ZC3HC1: variants seen among roughly 807,000 people sequenced by gnomAD.
ZC3HC1 encodes zinc finger C3HC-type protein 1.
In ZC3HC1, 38 loss-of-function variants were observed where a neutral mutation model predicts 61.9. The observed-to-expected ratio is 0.61, with a 90% CI of 0.47 to 0.81. The LOEUF (loss-of-function observed/expected upper bound fraction) is 0.81, where lower values mean the gene tolerates loss of function less well. Among genes scored for constraint, ZC3HC1 ranks in the 30% least tolerant of loss-of-function variants. The probability of loss-of-function intolerance (pLI) is 0.00; values close to 1 mark genes in which losing one functional copy is unlikely to be tolerated. For synonymous variants in ZC3HC1, 213 were observed against 229.9 expected, an observed-to-expected ratio of 0.93 and a Z score of 0.67; for missense variants, 554 against 622.7, an observed-to-expected ratio of 0.89 and a Z score of 1.17.
At chr7:130,046,401 G>C (rs1794867511) in intron 2 of ZC3HC1, among the ~76,000 whole-genome samples, 2 of 152,068 alleles carry the variant, frequency 1.3e-5, no homozygotes, top group African/African-American at 4.8e-5. Context: ...GAGCTCAAAA[G>C]TTTGAGACCA....
rs965514796 is a variant in ZC3HC1 at position 130,032,181 on chromosome 7, G to A, written c.494-3152C>T. On this transcript the variant is annotated intron_variant, in intron 4 of 9. Coordinates refer to ENST00000358303, the MANE Select transcript of ZC3HC1 (RefSeq NM_016478.5). Reference sequence around the variant, plus strand: ...GGAGGTTGCAGTGAGCCGAGACCACGCCATTGCACTCCAGCCTGGGCAACA... The same window carrying A: ...GGAGGTTGCAGTGAGCCGAGACCACACCATTGCACTCCAGCCTGGGCAACA... Among the ~76,000 whole-genome samples the A allele has an allele frequency of 3.3e-5, 5 of 150,288 alleles. No individual in the cohort carries two copies. In the South Asian group the frequency reaches 8.4e-4, roughly 25 times the overall value.
chr7:130,028,163 C>CAAAAAAA (rs58430072), intron 5 of ZC3HC1, among the ~76,000 whole-genome samples: 4 of 34,122 alleles, frequency 1.2e-4, no homozygotes, highest in African/African-American at 2.6e-4. Flanking sequence ...GACTCTGTCT[C>CAAAAAAA]AAAAAAAAAA....
At chr7:130,019,725 A>G (rs1793545579) in intron 9 of ZC3HC1, among the ~76,000 whole-genome samples, 1 of 151,936 alleles carries the variant, frequency 6.6e-6, no homozygotes, top group African/African-American at 2.4e-5. Flanking sequence ...TATTCCACGC[A>G]GAAAGGGTCT....
At chr7:130,049,920 C>G (rs1795011136) in intron 1 of ZC3HC1, among the ~76,000 whole-genome samples, 1 of 91,606 alleles carries the variant, frequency 1.1e-5, no homozygotes, top group Admixed American at 1.4e-4. Flanking sequence ...CATACCCACT[C>G]CTTCCAAAAA....
chr7:130,032,827 G>A lies in ZC3HC1; in HGVS notation c.494-3798C>T, dbSNP rs149014966. The stretch of plus-strand genomic sequence containing the variant: ...AGGGAAGGAAAAGAAAGAAGGGAAG[G>A]AAGGGAAAGATGGGAAGGAGGGGAA... On this transcript the variant is annotated intron_variant, in intron 4 of 9. Coordinates refer to ENST00000358303, the MANE Select transcript of ZC3HC1 (RefSeq NM_016478.5). Among the ~76,000 whole-genome samples the A allele has an allele frequency of 5.0e-3, 669 of 133,202 alleles. 3 individuals are homozygous for A. Among genetic ancestry groups the A allele is most frequent in the Non-Finnish European group, 8.4e-3 (526 of 62,626 alleles). The allele number at this position is 133,202 out of a possible 152,430, so 87.4% of individuals were successfully genotyped here. A position where few individuals can be genotyped will look rare whatever the true frequency, so the allele number is the denominator to read the frequency against.
chr7:130,023,498 G>C lies in ZC3HC1; in HGVS notation c.1233+13C>G. ...TTTATGCTCAGCCACTGCTACATGCGAGGTGGACTCACCGAACTGCTGGAG... is the reference window on the plus strand; with the variant it reads ...TTTATGCTCAGCCACTGCTACATGCCAGGTGGACTCACCGAACTGCTGGAG... On this transcript the variant is annotated intron_variant, in intron 8 of 9. Transcript: ENST00000358303. This position sits in a 1 kb window ranked among gnomAD's most constrained non-coding sequence, Gnocchi z 4.2. 1.2e-6 allele frequency: 2 copies of C among 1,613,482 alleles called. No individual in the cohort carries two copies. The highest frequency in any genetic ancestry group is 2.2e-5 in the South Asian group (2 of 91,036).
intron 4 of ZC3HC1, 93 bp from the exon 5 acceptor site, chr7:130,029,122 G>A (rs1041098092): frequency 1.4e-6 from 2 of 1,405,038 alleles, no homozygotes; most frequent in South Asian, 1.4e-5. Flanking sequence ...TGTAATCCCA[G>A]CACTTTGGAA....
chr7:130,026,369 A>G, intron 5 of ZC3HC1, 57 bp from the exon 6 acceptor site: 1 of 1,559,894 alleles, frequency 6.4e-7, no homozygotes, highest in Non-Finnish European at 8.7e-7. Flanking sequence ...GAAAAATTAC[A>G]CATTATAACA....
At chr7:130,050,620 A>AG in intron 1 of ZC3HC1, 13 of 792,692 alleles carry the variant, frequency 1.6e-5, no homozygotes, top group Non-Finnish European at 2.1e-5. Flanking sequence ...TAGTATTAGC[A>AG]GTACCTGCTA....
At chr7:130,047,049 G>A (rs888963460) in intron 2 of ZC3HC1, among the ~76,000 whole-genome samples, 3 of 151,976 alleles carry the variant, frequency 2.0e-5, no homozygotes, top group Non-Finnish European at 2.9e-5. Context: ...TGCAACCTCC[G>A]CCTCCCAGGT....
chr7:130,036,868 A>G (rs1212207218), intron 4 of ZC3HC1: 4 of 152,240 alleles, frequency 2.6e-5, no homozygotes, highest in Non-Finnish European at 5.9e-5. Flanking sequence ...GTTTCTGGCT[A>G]GGACAACTGG....
At chr7:130,022,237 G>A (rs1176707788) in intron 9 of ZC3HC1, 82 bp downstream of exon 9, 2 of 1,547,888 alleles carry the variant, frequency 1.3e-6, no homozygotes, top group African/African-American at 1.4e-5. Flanking sequence ...GGCAGGCGGG[G>A]TGCTAATTAT....
intron 2 of ZC3HC1, 94 bp downstream of exon 2, chr7:130,048,939 T>C (rs1794968725): frequency 7.9e-6 from 7 of 888,050 alleles, no homozygotes; most frequent in Non-Finnish European, 1.1e-5. Flanking sequence ...GGTTTTATTC[T>C]TAAGTTTAAA....
At chr7:130,051,171 G>A (rs1795059796) in intron 1 of ZC3HC1, 50 bp downstream of exon 1, 4 of 1,562,202 alleles carry the variant, frequency 2.6e-6, no homozygotes, top group Non-Finnish European at 3.5e-6. Context: ...CCTTCCCCAA[G>A]CCTTCTTCAA....
chr7:130,049,566 A>G (rs1476554999), intron 1 of ZC3HC1, among the ~76,000 whole-genome samples: 3 of 150,040 alleles, frequency 2.0e-5, no homozygotes, highest in Non-Finnish European at 4.4e-5. Context: ...TTTTTTTGAG[A>G]TGGAGTCTCG....
In ZC3HC1 at chr7:130,040,945, A is replaced by G; in HGVS notation, c.409+6T>C. Reference sequence around the variant, plus strand: ...GAGAAAAATGTAATTTGTACCTTATACTTACATCTGTCAAAGTCAAAAGCT... The same window carrying G: ...GAGAAAAATGTAATTTGTACCTTATGCTTACATCTGTCAAAGTCAAAAGCT... On this transcript the variant is annotated splice_donor_region_variant and intron_variant, in intron 3 of 9. Transcript: ENST00000358303. 1 of 1,609,536 alleles carries G rather than the reference A, an allele frequency of 6.2e-7. No homozygotes were observed. The highest frequency in any genetic ancestry group is 8.5e-7 in the Non-Finnish European group (1 of 1,178,500).
intron 3 of ZC3HC1, among the ~76,000 whole-genome samples, chr7:130,040,008 C>T (rs1237080183): frequency 6.6e-6 from 1 of 151,434 alleles, no homozygotes; most frequent in African/African-American, 2.4e-5. Context: ...ACGTGAGCCA[C>T]TGCGCCCGGC....
intron 4 of ZC3HC1, among the ~76,000 whole-genome samples, chr7:130,030,185 C>A (rs965778850): frequency 3.6e-5 from 5 of 139,230 alleles, no homozygotes; most frequent in African/African-American, 5.4e-5. Context: ...AGAAGCTACA[C>A]TGAATCAGCC....
chr7:130,027,844 C>T (rs991843749), intron 5 of ZC3HC1, among the ~76,000 whole-genome samples: 1 of 151,690 alleles, frequency 6.6e-6, no homozygotes, highest in Non-Finnish European at 1.5e-5. Flanking sequence ...AACATTTCTA[C>T]TCACAAGGAG....
Sources: gnomAD v4.1 joint callset for allele counts (sites outside exome capture counted in the v4.1 genomes callset) on GRCh38, gnomAD v4.1.1 for gene constraint, Gnocchi (gnomAD v3.1) non-coding constraint, MANE v1.5 for transcripts, NCBI Gene and HGNC (gene_info 2026-07-23, HGNC 2026-07-21) for gene names.